TCF12: variants seen among roughly 807,000 people sequenced by gnomAD.
TCF12 encodes the protein transcription factor 12.
In TCF12, 45 loss-of-function variants were observed where a neutral mutation model predicts 86.0. The observed-to-expected ratio is 0.52, with a 90% CI of 0.41 to 0.67. The LOEUF is 0.67. TCF12 is among the 30% of genes least tolerant of loss of function. TCF12 has a pLI of 0.00. For synonymous variants in TCF12, 330 were observed against 299.6 expected (o/e 1.10, Z -1.05); for missense variants, 881 against 859.9 (o/e 1.02, Z -0.31).
intron 6 of TCF12, among the ~76,000 whole-genome samples, chr15:57,177,685 CTTTCT>C (rs1288787773): frequency 1.4e-4 from 21 of 145,906 alleles, no homozygotes; most frequent in African/African-American, 5.3e-4. Flanking sequence ...TTCATTCATT[CTTTCT>C]TTTATTTTTA....
intron 3 of TCF12, among the ~76,000 whole-genome samples, chr15:56,924,024 T>TG (rs1362907842): frequency 6.6e-6 from 1 of 152,034 alleles, no homozygotes; most frequent in African/African-American, 2.4e-5. Flanking sequence ...TCTTTTTTTG[T>TG]GGGGCGGGGG....
chr15:57,176,069 C>G (rs1239412618), intron 6 of TCF12, among the ~76,000 whole-genome samples: 1 of 152,136 alleles, frequency 6.6e-6, no homozygotes, highest in Non-Finnish European at 1.5e-5. Context: ...CATGGTGTTG[C>G]ATGCCTGTAT....
chr15:57,234,467 T>C (rs1313824937), intron 12 of TCF12, among the ~76,000 whole-genome samples: 2 of 152,314 alleles, frequency 1.3e-5, no homozygotes, highest in Admixed American at 1.3e-4. Flanking sequence ...TAAGAAACTT[T>C]TCCAAGATCA....
At chr15:56,996,983 C>G (rs1458788924) in intron 3 of TCF12, among the ~76,000 whole-genome samples, 1 of 152,026 alleles carries the variant, frequency 6.6e-6, no homozygotes, top group Non-Finnish European at 1.5e-5. Flanking sequence ...CAGATGCTGG[C>G]AATGCTATGG....
At chr15:57,164,666 T>C (rs555044777) in intron 5 of TCF12, among the ~76,000 whole-genome samples, 2 of 152,160 alleles carry the variant, frequency 1.3e-5, no homozygotes, top group East Asian at 1.9e-4. Flanking sequence ...ATAGTCACAA[T>C]AAGAATTTTT....
At chr15:56,958,754 G>A (rs1391908955) in intron 3 of TCF12, among the ~76,000 whole-genome samples, 4 of 151,540 alleles carry the variant, frequency 2.6e-5, no homozygotes, top group Non-Finnish European at 5.9e-5. Flanking sequence ...GCTCATGCCT[G>A]TAATCCCACC....
intron 17 of TCF12, among the ~76,000 whole-genome samples, 176 bp from the exon 18 acceptor site, chr15:57,262,936 G>C (rs1341743590): frequency 1.3e-5 from 2 of 152,136 alleles, no homozygotes; most frequent in African/African-American, 4.8e-5. Context: ...AAAGCACAAG[G>C]ATGTGGATAT....
At chr15:56,973,279 T>C (rs1178313906) in intron 3 of TCF12, among the ~76,000 whole-genome samples, 2 of 152,118 alleles carry the variant, frequency 1.3e-5, no homozygotes, top group Non-Finnish European at 2.9e-5. Flanking sequence ...TGTGTATACA[T>C]TAATTTATTT....
chr15:56,934,429 CTT>C (rs1595739805), intron 3 of TCF12, among the ~76,000 whole-genome samples: 1 of 152,146 alleles, frequency 6.6e-6, no homozygotes, highest in Non-Finnish European at 1.5e-5. Flanking sequence ...TAGAGAAACT[CTT>C]GTCTGCTGTA....
intron 3 of TCF12, among the ~76,000 whole-genome samples, chr15:57,041,758 A>T (rs535758556): frequency 5.9e-5 from 9 of 151,530 alleles, no homozygotes; most frequent in South Asian, 2.1e-4. Flanking sequence ...ATTGAGATTT[A>T]AAAAAAAATA....
At chr15:57,254,208 T>G (rs1432125304) in intron 16 of TCF12, among the ~76,000 whole-genome samples, 1 of 152,234 alleles carries the variant, frequency 6.6e-6, no homozygotes, top group East Asian at 1.9e-4. Flanking sequence ...AATGTTCTTC[T>G]ACGAAGCAGA....
intron 3 of TCF12, among the ~76,000 whole-genome samples, chr15:56,955,097 C>T (rs1379909497): frequency 6.6e-6 from 1 of 152,270 alleles, no homozygotes; most frequent in African/African-American, 2.4e-5. Context: ...AAGACACATG[C>T]ACACGTATGT....
intron 20 of TCF12, among the ~76,000 whole-genome samples, chr15:57,283,092 C>G (rs565268839): frequency 6.6e-6 from 1 of 152,250 alleles, no homozygotes; most frequent in South Asian, 2.1e-4. Context: ...TGCTTCTTCC[C>G]CACTTGCAAG....
intron 3 of TCF12, among the ~76,000 whole-genome samples, chr15:57,049,798 G>A (rs901202973): frequency 6.6e-6 from 1 of 152,146 alleles, no homozygotes; most frequent in Non-Finnish European, 1.5e-5. Context: ...ATTTTACTGC[G>A]ACAGTTGTAG....
chr15:57,020,291 T>C (rs549804975), intron 3 of TCF12, among the ~76,000 whole-genome samples: 1 of 152,286 alleles, frequency 6.6e-6, no homozygotes, highest in South Asian at 2.1e-4. Flanking sequence ...CAGAAGCAAA[T>C]GTACTGAGCT....
intron 12 of TCF12, 142 bp from the exon 13 acceptor site, chr15:57,243,330 A>ATACAGAAACTT: frequency 1.7e-6 from 1 of 588,740 alleles, no homozygotes; most frequent in Non-Finnish European, 2.9e-6. Flanking sequence ...ATGATGAAAC[A>ATACAGAAACTT]GTCTAAAACT....
intron 3 of TCF12, among the ~76,000 whole-genome samples, chr15:57,032,469 T>A (rs566678120): frequency 1.2e-4 from 19 of 152,308 alleles, no homozygotes; most frequent in Admixed American, 1.2e-3. Flanking sequence ...AACTCTTTCA[T>A]ACAGGCTGGA....
chr15:57,173,918 G>A (rs2151600274), intron 6 of TCF12, among the ~76,000 whole-genome samples: 1 of 152,098 alleles, frequency 6.6e-6, no homozygotes, highest in East Asian at 1.9e-4. Flanking sequence ...ATATTGGCCA[G>A]GCGGGTCTCA....
At chr15:57,077,654 A>G (rs540445791) in intron 4 of TCF12, among the ~76,000 whole-genome samples, 30 of 150,390 alleles carry the variant, frequency 2.0e-4, no homozygotes, top group Non-Finnish European at 3.8e-4. Context: ...CTGGTCTCGA[A>G]CTCCTGACCT....
Sources: gnomAD v4.1 joint callset for allele counts (sites outside exome capture counted in the v4.1 genomes callset) on GRCh38, gnomAD v4.1.1 for gene constraint, MANE v1.5 for transcripts, NCBI Gene and HGNC (gene_info 2026-07-23, HGNC 2026-07-21) for gene names.